Variants in BTNL9 observed in about 807,000 individuals in gnomAD.
BTNL9 encodes the protein butyrophilin-like protein 9.
In BTNL9, 45 loss-of-function variants were observed where a neutral mutation model predicts 45.8. The ratio of observed to expected loss-of-function variants is 0.98; its 90% confidence interval spans 0.77 to 1.26. The LOEUF (loss-of-function observed/expected upper bound fraction) is 1.26. BTNL9 is among the 50% of genes most tolerant of loss of function. The pLI is 0.00. For missense variants in BTNL9, 784 were observed against 729.7 expected (o/e 1.07, Z -0.86); for synonymous variants, 346 against 330.8 (o/e 1.05, Z -0.50).
chr5:181,040,667 G>A (rs1249765755), intron 1 of BTNL9, among the ~76,000 whole-genome samples: 2 of 152,200 alleles, frequency 1.3e-5, no homozygotes, highest in Admixed American at 6.5e-5. Context: ...CCCACCAGAC[G>A]AAAAAGATTT....
intron 1 of BTNL9, among the ~76,000 whole-genome samples, chr5:181,044,715 G>A (rs537986301): frequency 9.2e-5 from 14 of 152,348 alleles, no homozygotes; most frequent in African/African-American, 3.4e-4. Context: ...TGGGTCCCAA[G>A]GGAGCAGAGC....
intron 2 of BTNL9, 111 bp downstream of exon 2, chr5:181,045,709 AC>A: frequency 1.2e-6 from 1 of 820,548 alleles, no homozygotes. Flanking sequence ...ACGCTAAAAT[AC>A]AAAAAAGACT....
At chr5:181,040,679 A>C (rs1234946138) in intron 1 of BTNL9, among the ~76,000 whole-genome samples, 1 of 152,224 alleles carries the variant, frequency 6.6e-6, no homozygotes, top group Non-Finnish European at 1.5e-5. Context: ...AAAAGATTTC[A>C]AGCCTCATTG....
chr5:181,054,425 C>G (rs927066118), intron 7 of BTNL9, 166 bp downstream of exon 7: 1 of 985,426 alleles, frequency 1.0e-6, no homozygotes, highest in Admixed American at 6.1e-5. Context: ...GGATGGCTGC[C>G]TGCCACCGTG....
intron 7 of BTNL9, 113 bp downstream of exon 7, chr5:181,054,372 A>T: frequency 6.5e-7 from 1 of 1,547,450 alleles, no homozygotes. Context: ...ATTCTAAACC[A>T]TCCCTGTGAG....
At position 181,050,081 on chromosome 5, in the gene BTNL9, C is replaced by T; in HGVS notation, c.455-7C>T. The T allele has an allele frequency of 6.2e-7, 1 of 1,610,738 alleles. No homozygotes were observed. The highest frequency in any genetic ancestry group is 8.5e-7 in the Non-Finnish European group (1 of 1,178,066). On this transcript the variant is annotated splice_polypyrimidine_tract_variant and splice_region_variant and intron_variant, in intron 3 of 10. Coordinates refer to ENST00000327705, the MANE Select transcript of BTNL9 (RefSeq NM_152547.5). The surrounding 1 kb of genome is among the most constrained non-coding windows in gnomAD (Gnocchi z 4.9). Reference sequence around the variant, plus strand: ...CTGACCTTTCCCACTCCTCCTGCCTCCACCAGGGCTGGGCTCAGACCCTCA... The same window carrying T: ...CTGACCTTTCCCACTCCTCCTGCCTTCACCAGGGCTGGGCTCAGACCCTCA...
At position 181,055,522 on chromosome 5, in the gene BTNL9, T is replaced by A. The variant is rs372984555; in HGVS notation, c.928+69T>A. On this transcript the variant is annotated intron_variant, in intron 8 of 10. Transcript: ENST00000327705. This position sits in a 1 kb window ranked among gnomAD's most constrained non-coding sequence, Gnocchi z 4.4. ...CAGTGGCTCACACCTGTAATCCCAG[T>A]ACTTTGGGAGGCCGAGGCGGGTGGA... 889 of 1,573,984 alleles carry A rather than the reference T, an allele frequency of 5.6e-4. 7 individuals are homozygous for A. In the African/African-American group the frequency reaches 0.01, roughly 18 times the overall value.
rs574729085 is a variant in BTNL9, at chr5:181,042,905, G to T, written c.-24+2473G>T. 1.3e-3 allele frequency among the ~76,000 whole-genome samples: 201 copies of T among 152,180 alleles called. 1 individual carries two copies. Among genetic ancestry groups the T allele is most frequent in the African/African-American group, 4.4e-3 (183 of 41,516 alleles). On this transcript the variant is annotated intron_variant, in intron 1 of 10. Coordinates refer to ENST00000327705, the MANE Select transcript of BTNL9 (RefSeq NM_152547.5). The surrounding 1 kb of genome is among the most constrained non-coding windows in gnomAD (Gnocchi z 4.5). ...GGTCATGGTTTTGGGTAACAGGAGT[G>T]ACGGAAGGGTGTACCCAGACACACG...
chr5:181,059,348 A>T lies in BTNL9; in HGVS notation c.1094A>T (p.Gln365Leu). The T allele has an allele frequency of 6.5e-7, 1 of 1,542,624 alleles. No homozygotes were observed. The highest frequency in any genetic ancestry group is 1.2e-5 in the South Asian group (1 of 84,056). ...APPGPAPGHP[Q>L]RFSEQTCALS... ...CCAGGCCCGGCGCCTGGCCACCCGC[A>T]GCGGTTCTCGGAGCAGACGTGCGCG... The change falls in exon 11 of 11, where the codon CAG becomes CTG. Residue 365 changes from glutamine (Q) to leucine (L), a missense_variant. Gln to Leu is a moderately radical substitution (Grantham distance 113). Transcript: ENST00000327705.
chr5:181,044,633 G>T (rs1760989344), intron 1 of BTNL9, among the ~76,000 whole-genome samples: 1 of 152,146 alleles, frequency 6.6e-6, no homozygotes, highest in Non-Finnish European at 1.5e-5. Flanking sequence ...AAATGCAAGA[G>T]AAATATGGAG....
intron 1 of BTNL9, among the ~76,000 whole-genome samples, chr5:181,044,392 G>A (rs1395923340): frequency 6.6e-6 from 1 of 152,166 alleles, no homozygotes; most frequent in East Asian, 1.9e-4. Context: ...TTGGAGAGAG[G>A]AGCCCACCGT....
intron 1 of BTNL9, among the ~76,000 whole-genome samples, chr5:181,044,688 T>A (rs988433832): frequency 6.6e-6 from 1 of 152,166 alleles, no homozygotes; most frequent in Non-Finnish European, 1.5e-5. Context: ...GCACACTCTC[T>A]GGCCGTGAGT....
chr5:181,044,383 T>G (rs1175721585), intron 1 of BTNL9, among the ~76,000 whole-genome samples: 1 of 151,938 alleles, frequency 6.6e-6, no homozygotes, highest in Non-Finnish European at 1.5e-5. Context: ...CAGAGAGGGT[T>G]GGAGAGAGGA....
intron 3 of BTNL9, among the ~76,000 whole-genome samples, chr5:181,049,005 T>C (rs1227907781): frequency 1.3e-5 from 2 of 148,950 alleles, no homozygotes; most frequent in African/African-American, 4.9e-5. Flanking sequence ...ATCAAAGCTA[T>C]GTCAAAATGC....
intron 1 of BTNL9, 80 bp downstream of exon 1, chr5:181,040,512 G>C (rs1351643280): frequency 6.6e-6 from 1 of 152,202 alleles, no homozygotes; most frequent in Non-Finnish European, 1.5e-5. Context: ...GGGAGGCTTT[G>C]GGAAGGCGTA....
At position 181,059,663 on chromosome 5, in the gene BTNL9, A is replaced by G; in HGVS notation, c.1409A>G (p.His470Arg). The G allele has an allele frequency of 1.9e-6, 3 of 1,613,624 alleles. 1 individual carries two copies. In the South Asian group the frequency reaches 3.3e-5, roughly 18 times the overall value. The change falls in exon 11 of 11, where the codon CAC (histidine) becomes CGC (arginine). Residue 470 changes from histidine (H) to arginine (R), a missense_variant. His to Arg is a conservative substitution (Grantham distance 29, BLOSUM62 0). Coordinates refer to ENST00000327705, the MANE Select transcript of BTNL9 (RefSeq NM_152547.5). ...TTCTTCAACGTGTCCGACGGCTCCCACATCTTCACCTTCCACGACACCTTC... is the reference window on the plus strand; with the variant it reads ...TTCTTCAACGTGTCCGACGGCTCCCGCATCTTCACCTTCCACGACACCTTC... ...LSFFNVSDGSHIFTFHDTFSG... is the reference protein window; with the variant it reads ...LSFFNVSDGSRIFTFHDTFSG...
Position 181,055,368 on chromosome 5 carries a change from C to G in BTNL9, c.908-65C>G, listed in dbSNP as rs1243413721. On this transcript the variant is annotated intron_variant, in intron 7 of 10. Transcript: ENST00000327705. The surrounding 1 kb of genome is among the most constrained non-coding windows in gnomAD (Gnocchi z 4.4). ...GACTAAGGAAGCTCTTCCCAGTGGC[C>G]TGTCTTGGGAAGATGGTTCCACCCA... The G allele has an allele frequency of 3.1e-6, 5 of 1,613,450 alleles. No individual in the cohort carries two copies. The highest frequency in any genetic ancestry group is 4.2e-6 in the Non-Finnish European group (5 of 1,179,870).
intron 9 of BTNL9, 128 bp downstream of exon 9, chr5:181,056,143 C>G: frequency 1.9e-6 from 2 of 1,049,566 alleles, no homozygotes; most frequent in South Asian, 2.5e-5. Flanking sequence ...ATGTGTTAAT[C>G]TATGTCACTG....
Position 181,045,481 on chromosome 5 carries a change from T to C in BTNL9, c.-9T>C. On this transcript the variant is annotated 5_prime_UTR_variant, in exon 2 of 11. Transcript: ENST00000327705. ...TCCCTCTCCAGGTGGCCCCCACTGC[T>C]GACGAGAGATGGTGGACCTCTCAGT... The C allele has an allele frequency of 5.7e-6, 9 of 1,588,444 alleles. No individual in the cohort carries two copies. The highest frequency in any genetic ancestry group is 1.3e-5 in the African/African-American group (1 of 74,298).
Sources: allele counts gnomAD v4.1 joint callset (sites outside exome capture counted in the v4.1 genomes callset), GRCh38; gene constraint gnomAD v4.1.1; non-coding constraint Gnocchi (gnomAD v3.1); transcripts MANE v1.5; gene names NCBI Gene and HGNC (gene_info 2026-07-23, HGNC 2026-07-21).